SAMD5: variants seen among roughly 807,000 people sequenced by gnomAD.
SAMD5 encodes the protein sterile alpha motif domain containing 5.
Under a neutral mutation model 11.3 loss-of-function variants are expected in SAMD5, and 13 were observed. The ratio of observed to expected loss-of-function variants is 1.15; its 90% CI spans 0.75 to 1.83. SAMD5 has a LOEUF of 1.83. SAMD5 is among the 40% of genes most tolerant of loss of function. The pLI is 0.00. For synonymous variants in SAMD5, 129 were observed against 111.3 expected (o/e 1.16, Z -1.00); for missense variants, 255 against 239.1 (o/e 1.07, Z -0.44).
the SAMD5 span, among the ~76,000 whole-genome samples, chr6:147,899,870 A>AT: frequency 1.3e-5 from 2 of 152,118 alleles, no homozygotes; most frequent in South Asian, 4.1e-4. Flanking sequence ...AAGTTGTAAA[A>AT]TTTTTTTAGC....
At chr6:147,771,975 G>A in the SAMD5 span, among the ~76,000 whole-genome samples, 1 of 152,012 alleles carries the variant, frequency 6.6e-6, no homozygotes, top group Admixed American at 6.6e-5. Context: ...AAATAAATTG[G>A]ATTTAGACAC....
At chr6:147,620,731 G>T (rs1012985871) in intron 1 of SAMD5, among the ~76,000 whole-genome samples, 5 of 152,180 alleles carry the variant, frequency 3.3e-5, no homozygotes, top group African/African-American at 9.7e-5. Context: ...CTGGAAGGAC[G>T]TGGCTGGCTT....
the SAMD5 span, among the ~76,000 whole-genome samples, chr6:147,768,327 G>A: frequency 7.8e-4 from 119 of 152,066 alleles, 1 homozygote; most frequent in South Asian, 4.6e-3. Flanking sequence ...GTGAAACCTC[G>A]TCTCTACTAA....
the SAMD5 span, among the ~76,000 whole-genome samples, chr6:147,867,493 A>AT: frequency 6.6e-6 from 1 of 152,026 alleles, no homozygotes; most frequent in Non-Finnish European, 1.5e-5. Flanking sequence ...AGGGCAGTTC[A>AT]TTTGTGATGG....
At chr6:147,597,616 A>C (rs1269542729) in intron 1 of SAMD5, among the ~76,000 whole-genome samples, 3 of 152,260 alleles carry the variant, frequency 2.0e-5, no homozygotes, top group African/African-American at 7.2e-5. Context: ...ATTCTAAAAC[A>C]TGATTTATTT....
At chr6:147,897,598 C>T in the SAMD5 span, among the ~76,000 whole-genome samples, 1 of 152,128 alleles carries the variant, frequency 6.6e-6, no homozygotes, top group African/African-American at 2.4e-5. Flanking sequence ...GGCAAATCAC[C>T]TCATTCCTGG....
intron 1 of SAMD5, among the ~76,000 whole-genome samples, chr6:147,643,038 A>G (rs1476322585): frequency 6.6e-6 from 1 of 152,160 alleles, no homozygotes; most frequent in East Asian, 1.9e-4. Context: ...TGTAATAACA[A>G]TTTTATTCAT....
chr6:147,580,584 C>A (rs1315954030), intron 1 of SAMD5, among the ~76,000 whole-genome samples: 1 of 152,222 alleles, frequency 6.6e-6, no homozygotes, highest in Non-Finnish European at 1.5e-5. Context: ...TGTGTGGACG[C>A]TGAGCATGTG....
chr6:147,816,301 A>AAAATATATATATATAT, the SAMD5 span, among the ~76,000 whole-genome samples: 12 of 66,348 alleles, frequency 1.8e-4, no homozygotes, highest in African/African-American at 9.2e-4. Flanking sequence ...AAAAAAAAAA[A>AAAATATATATATATAT]ATATATATAT....
At chr6:147,953,826 G>A in the SAMD5 span, 1 of 152,196 alleles carries the variant, frequency 6.6e-6, no homozygotes, top group Non-Finnish European at 1.5e-5. Flanking sequence ...TTTAAGTGCA[G>A]TACATTTTGC....
chr6:147,889,857 A>G, the SAMD5 span, among the ~76,000 whole-genome samples: 2 of 152,128 alleles, frequency 1.3e-5, no homozygotes, highest in East Asian at 3.9e-4. Context: ...CTGCGTTCCT[A>G]CAGGAAACTC....
At chr6:147,827,891 G>A in the SAMD5 span, among the ~76,000 whole-genome samples, 2 of 151,722 alleles carry the variant, frequency 1.3e-5, no homozygotes, top group South Asian at 2.1e-4. Context: ...CCGGGTTCAC[G>A]CCATTCTCCT....
chr6:147,537,580 G>A (rs1181159854), intron 1 of SAMD5, among the ~76,000 whole-genome samples: 1 of 142,402 alleles, frequency 7.0e-6, no homozygotes, highest in Non-Finnish European at 1.5e-5. Context: ...GTGAAACCCC[G>A]TCTCTACTAA....
At chr6:147,542,551 T>C (rs1287796765) in intron 1 of SAMD5, among the ~76,000 whole-genome samples, 1 of 152,160 alleles carries the variant, frequency 6.6e-6, no homozygotes, top group Non-Finnish European at 1.5e-5. Context: ...CCAGGAGTGT[T>C]GATTGGTCAG....
At chr6:147,522,475 G>T (rs1218243672) in intron 1 of SAMD5, among the ~76,000 whole-genome samples, 1 of 152,062 alleles carries the variant, frequency 6.6e-6, no homozygotes, top group East Asian at 1.9e-4. Context: ...TTTAAACTGG[G>T]CCCAATATTG....
At chr6:147,582,045 G>C (rs999934724) in intron 1 of SAMD5, among the ~76,000 whole-genome samples, 118 of 152,136 alleles carry the variant, frequency 7.8e-4, no homozygotes, top group African/African-American at 2.8e-3. Context: ...GGCAGAGAGA[G>C]GGATGACTTT....
intron 1 of SAMD5, among the ~76,000 whole-genome samples, chr6:147,726,963 C>T (rs1288306116): frequency 1.3e-5 from 2 of 152,166 alleles, no homozygotes; most frequent in Non-Finnish European, 2.9e-5. Flanking sequence ...ATAATTCCAG[C>T]CTCACCTCTC....
intron 1 of SAMD5, among the ~76,000 whole-genome samples, chr6:147,699,670 A>T (rs6933306): frequency 0.015 from 2,238 of 152,318 alleles, 59 homozygotes; most frequent in African/African-American, 0.052. Context: ...ACATGAATGA[A>T]TCTGAAGCCC....
intron 1 of SAMD5, among the ~76,000 whole-genome samples, chr6:147,609,643 G>A (rs866338623): frequency 6.6e-6 from 1 of 151,982 alleles, no homozygotes; most frequent in South Asian, 2.1e-4. Flanking sequence ...TGCAACCTCC[G>A]CTTCCCAGGT....
Sources: allele counts gnomAD v4.1 joint callset (sites outside exome capture counted in the v4.1 genomes callset), GRCh38; gene constraint gnomAD v4.1.1; transcripts MANE v1.5; gene names NCBI Gene and HGNC (gene_info 2026-07-23, HGNC 2026-07-21).